The following MAMSTR variants were observed in gnomAD, a reference collection of about 807,000 sequenced individuals.
MAMSTR encodes MEF2-activating motif and SAP domain-containing transcriptional regulator.
MAMSTR carries 41 observed loss-of-function variants against 42.7 expected under a neutral mutation model. The observed-to-expected ratio is 0.96, with a 90% CI of 0.75 to 1.25. The LOEUF is 1.25. Ranked by LOEUF, MAMSTR falls within the 50% of genes most tolerant of loss-of-function variation. The probability of loss-of-function intolerance (pLI) is 0.00; values close to 1 mark genes in which losing one functional copy is unlikely to be tolerated. For synonymous variants in MAMSTR, 265 were observed against 244.1 expected, an observed-to-expected ratio of 1.09 and a Z score of -0.80; for missense variants, 567 against 557.6, an observed-to-expected ratio of 1.02 and a Z score of -0.17.
chr19:48,707,518 A>G, the MAMSTR span, among the ~76,000 whole-genome samples: 1 of 151,922 alleles, frequency 6.6e-6, no homozygotes, highest in Non-Finnish European at 1.5e-5. Flanking sequence ...AGGTGGGTGG[A>G]TCACTTCAGA....
At chr19:48,708,251 A>AAAG (rs1366735545), downstream of MAMSTR, among the ~76,000 whole-genome samples, 3 of 137,748 alleles carry the variant, frequency 2.2e-5, no homozygotes, top group South Asian at 2.3e-4. Context: ...AAAAAAAAAA[A>AAAG]AAGAAGAAGA....
chr19:48,707,940 G>A (rs1187908567), downstream of MAMSTR, among the ~76,000 whole-genome samples: 2 of 149,946 alleles, frequency 1.3e-5, no homozygotes, highest in African/African-American at 2.5e-5. Context: ...AGAAGGGGAG[G>A]GGAGGGGAAG....
downstream of MAMSTR, among the ~76,000 whole-genome samples, chr19:48,708,102 C>T (rs1053920689): frequency 6.6e-6 from 1 of 151,538 alleles, no homozygotes; most frequent in African/African-American, 2.4e-5. Context: ...AGTGTAGTGG[C>T]GCATGCCTGT....
chr19:48,715,421 C>T lies in MAMSTR; in HGVS notation c.266G>A (p.Trp89Ter). Residue 89 changes from tryptophan to a stop codon, truncating the protein, a stop_gained, in exon 5 of 10, where the codon TGG becomes TAG. Transcript: ENST00000318083. LOFTEE classifies it high-confidence loss of function. ...KKESPKISQR[W>*]RESKPRGNLT... ...GTTCCCCCTGGGCTTGGACTCCCTC[C>T]AACGTTGGGAGATCTTGGGAGACTC... 6.6e-7 allele frequency: 1 copy of T among 1,505,460 alleles called. No homozygotes were observed. The highest frequency in any genetic ancestry group is 8.8e-7 in the Non-Finnish European group (1 of 1,132,996). 93.3% of individuals were successfully genotyped at this position (1,505,460 alleles called of 1,614,324 possible).
At chr19:48,715,584 C>G (rs2032979549) in intron 4 of MAMSTR, 41 bp downstream of exon 4, 2 of 1,509,926 alleles carry the variant, frequency 1.3e-6, no homozygotes, top group African/African-American at 2.8e-5. Flanking sequence ...GAGACAAAGA[C>G]TAGGCTCTCA....
In MAMSTR at chr19:48,714,855, G is replaced by T. The variant is rs781084059; in HGVS notation, c.479C>A (p.Pro160His). ...CTGAAGTTCCAACTTGTGTGGGGGG[G>T]GCGAGGGGCTAGGGACTCCTGGTGG... is the stretch of plus-strand genomic sequence containing the variant. Reference protein sequence around the residue: ...PCPPGVPSPSPPPHKLELQTL... With the variant: ...PCPPGVPSPSHPPHKLELQTL... Residue 160 changes from proline to histidine, a missense_variant, in exon 6 of 10, where the codon CCC becomes CAC. Pro to His is a moderately conservative substitution (Grantham distance 77, BLOSUM62 -2). Transcript: ENST00000318083. 3.1e-6 allele frequency: 5 copies of T among 1,612,928 alleles called. No homozygotes were observed. The highest frequency in any genetic ancestry group is 2.2e-5 in the South Asian group (2 of 91,066).
At chr19:48,710,106 C>T (rs2032700831), downstream of MAMSTR, among the ~76,000 whole-genome samples, 1 of 151,078 alleles carries the variant, frequency 6.6e-6, no homozygotes, top group Non-Finnish European at 1.5e-5. Flanking sequence ...ATCCACCTGC[C>T]TCGGACTCCC....
chr19:48,716,952 C>A, intron 2 of MAMSTR: 1 of 1,184,682 alleles, frequency 8.4e-7, no homozygotes, highest in Non-Finnish European at 1.0e-6. Context: ...CGGGCCAGCG[C>A]CATTCTGGGG....
intron 5 of MAMSTR, 49 bp from the exon 6 acceptor site, chr19:48,714,957 A>G (rs759360839): frequency 8.0e-7 from 1 of 1,253,902 alleles, no homozygotes; most frequent in South Asian, 1.3e-5. Context: ...GTAGAGGGGG[A>G]AAAGGCGTTC....
chr19:48,713,923 T>C lies in MAMSTR; in HGVS notation c.846A>G (p.Ser282=), dbSNP rs1357808089. The change falls in exon 8 of 10, where the codon TCA becomes TCG. Residue 282 remains serine, a synonymous_variant. Transcript: ENST00000318083. ...GAGTCAGAGCCGCTGAGCCCGGCCC[T>C]GAGGAAGGGGTCAGGGCTGGAGCTG... ...PAAAPALTPS[S]GPGSAALTLE... The C allele has an allele frequency of 1.9e-6, 3 of 1,612,280 alleles. No homozygotes were observed. The highest frequency in any genetic ancestry group is 3.3e-5 in the Admixed American group (2 of 59,942).
rs776989922 is a variant in MAMSTR, at chr19:48,713,439, G to A, written c.1076C>T (p.Thr359Met). 1.9e-6 allele frequency: 3 copies of A among 1,612,978 alleles called. No individual in the cohort carries two copies. The highest frequency in any genetic ancestry group is 1.7e-6 in the Non-Finnish European group (2 of 1,179,650). The change falls in exon 10 of 10, where the codon ACG (threonine) becomes ATG (methionine). Residue 359 changes from threonine (T) to methionine (M), a missense_variant. Coordinates refer to ENST00000318083, the MANE Select transcript of MAMSTR (RefSeq NM_001130915.2). Reference protein sequence around the residue: ...SVFSSSLPSPTNSSSPSPRDP... With the variant: ...SVFSSSLPSPMNSSSPSPRDP... ...CCTGGGAGAAGGGGAGGAGGAGTTC[G>A]TGGGAGACGGGAGTGAAGAGGAGAA...
intron 5 of MAMSTR, 103 bp from the exon 6 acceptor site, chr19:48,715,011 G>A (rs1441051548): frequency 3.7e-6 from 3 of 802,894 alleles, no homozygotes; most frequent in African/African-American, 3.5e-5. Flanking sequence ...GCAGAAAAGT[G>A]AGGGTCCAGA....
downstream of MAMSTR, among the ~76,000 whole-genome samples, chr19:48,707,849 A>AAG (rs1340431184): frequency 1.0e-5 from 1 of 98,586 alleles, no homozygotes; most frequent in Non-Finnish European, 2.2e-5. Flanking sequence ...GAAAGAAAGA[A>AAG]AGAAAGAAAG....
At chr19:48,714,753 TG>T in intron 6 of MAMSTR, 52 bp downstream of exon 6, 1 of 1,440,156 alleles carries the variant, frequency 6.9e-7, no homozygotes, top group Non-Finnish European at 9.8e-7. Flanking sequence ...GTTGGAATTC[TG>T]GGACCCCACC....
At chr19:48,707,483 G>A in the MAMSTR span, among the ~76,000 whole-genome samples, 2 of 151,974 alleles carry the variant, frequency 1.3e-5, no homozygotes, top group African/African-American at 4.8e-5. Flanking sequence ...GCTCACATCT[G>A]TAATCCCAGC....
At chr19:48,708,270 A>G (rs2032683828), downstream of MAMSTR, among the ~76,000 whole-genome samples, 1 of 151,568 alleles carries the variant, frequency 6.6e-6, no homozygotes, top group Non-Finnish European at 1.5e-5. Flanking sequence ...GAAGGAAAGA[A>G]GGAAAAAGAG....
In MAMSTR at chr19:48,714,781, C is replaced by A. The variant is rs750295405; in HGVS notation, c.528+25G>T. On this transcript the variant is annotated intron_variant, in intron 6 of 9. Coordinates refer to ENST00000318083, the MANE Select transcript of MAMSTR (RefSeq NM_001130915.2). The stretch of plus-strand genomic sequence containing the variant: ...GACCCCACCGAAGGAGAGAGAAGGC[C>A]TGGAAAGTTACACCCCAAACTCACC... 5 of 1,545,484 alleles carry A rather than the reference C, an allele frequency of 3.2e-6. No homozygotes were observed. In the African/African-American group the frequency reaches 6.8e-5, roughly 21 times the overall value.
At chr19:48,718,317 G>A (rs557458205) in intron 2 of MAMSTR, among the ~76,000 whole-genome samples, 1 of 151,182 alleles carries the variant, frequency 6.6e-6, no homozygotes, top group East Asian at 1.9e-4. Context: ...ACGCTCACGT[G>A]CACACTCAAG....
At chr19:48,718,891 G>T in intron 2 of MAMSTR, 83 bp downstream of exon 2, 1 of 1,327,630 alleles carries the variant, frequency 7.5e-7, no homozygotes. Context: ...GGCCTCATGG[G>T]ACCTACCACC....
Sources: gnomAD v4.1 joint callset for allele counts (sites outside exome capture counted in the v4.1 genomes callset) on GRCh38, gnomAD v4.1.1 for gene constraint, MANE v1.5 for transcripts, NCBI Gene and HGNC (gene_info 2026-07-23, HGNC 2026-07-21) for gene names.